The following COL22A1 variants were observed in gnomAD, a reference collection of about 807,000 sequenced individuals.
The protein encoded by COL22A1 is collagen type XXII alpha 1 chain, also known as collagen alpha-1(XXII) chain.
A neutral mutation model predicts 248.9 loss-of-function variants in COL22A1; 221 were observed. The ratio of observed to expected loss-of-function variants is 0.89; its 90% CI spans 0.80 to 0.99. The LOEUF (loss-of-function observed/expected upper bound fraction) is 0.99, where lower values mean the gene tolerates loss of function less well. COL22A1 is among the 50% of genes least tolerant of loss of function. The pLI, the probability that COL22A1 is intolerant of heterozygous loss-of-function variation, is 0.00. For missense variants in COL22A1, 2,240 were observed against 2,179.0 expected, an observed-to-expected ratio of 1.03 and a Z score of -0.56; for synonymous variants, 891 against 793.4, an observed-to-expected ratio of 1.12 and a Z score of -2.07.
At chr8:138,831,128 T>C (rs938159984) in intron 5 of COL22A1, among the ~76,000 whole-genome samples, 2 of 152,174 alleles carry the variant, frequency 1.3e-5, no homozygotes, top group Non-Finnish European at 2.9e-5. Flanking sequence ...ACGGATGAAA[T>C]GACATTAGGG....
At chr8:138,725,307 T>G in intron 24 of COL22A1, 80 bp downstream of exon 24, 1 of 1,407,852 alleles carries the variant, frequency 7.1e-7, no homozygotes, top group Non-Finnish European at 1.0e-6. Flanking sequence ...CAAGAGGCCA[T>G]TCACAAAGAT....
chr8:138,664,192 G>A (rs1020318607), intron 41 of COL22A1, among the ~76,000 whole-genome samples: 1 of 85,024 alleles, frequency 1.2e-5, no homozygotes, highest in African/African-American at 4.0e-5. Flanking sequence ...TCCAACAAGG[G>A]GTGCGCGCGC....
intron 62 of COL22A1, 133 bp downstream of exon 62, chr8:138,596,771 C>G (rs1817567620): frequency 2.6e-6 from 2 of 774,288 alleles, no homozygotes; most frequent in Non-Finnish European, 4.4e-6. Flanking sequence ...CATTCCCCAA[C>G]CCTGATAGTC....
rs145909041 is a variant in COL22A1 at position 138,813,662 on chromosome 8, G to A, written c.1246-643C>T. 7.8e-3 allele frequency among the ~76,000 whole-genome samples: 1,178 copies of A among 150,608 alleles called. 38 individuals carry two copies. Among genetic ancestry groups the A allele is most frequent in the African/African-American group, 0.026 (1,049 of 40,862 alleles). ...CAGCGTTTCGTTCTACACTGAAGGGGCTTCAGGACACGTTAAAGTCCAGCG... is the reference window on the plus strand; with the variant it reads ...CAGCGTTTCGTTCTACACTGAAGGGACTTCAGGACACGTTAAAGTCCAGCG... On this transcript the variant is annotated intron_variant, in intron 7 of 64. Coordinates refer to ENST00000303045, the MANE Select transcript of COL22A1 (RefSeq NM_152888.3).
At chr8:138,760,426 C>T in intron 17 of COL22A1, 139 bp from the exon 18 acceptor site, 1 of 685,234 alleles carries the variant, frequency 1.5e-6, no homozygotes, top group Non-Finnish European at 2.4e-6. Context: ...TTAGACCTGA[C>T]TTTCTGGACT....
intron 4 of COL22A1, among the ~76,000 whole-genome samples, chr8:138,836,322 G>A (rs1359332301): frequency 3.3e-5 from 5 of 152,252 alleles, no homozygotes; most frequent in East Asian, 1.9e-4. Flanking sequence ...AAAAGGAAAA[G>A]GAAAAGGAAA....
At position 138,716,820 on chromosome 8, in the gene COL22A1, C is replaced by G; in HGVS notation, c.2400+5G>C. ...ATGAATGAATAAAAGCACAAACAAACAGACCTTCTCTCCAGGTCGGCCTGC... is the reference window on the plus strand; with the variant it reads ...ATGAATGAATAAAAGCACAAACAAAGAGACCTTCTCTCCAGGTCGGCCTGC... On this transcript the variant is annotated splice_donor_5th_base_variant and intron_variant, in intron 28 of 64. Coordinates refer to ENST00000303045, the MANE Select transcript of COL22A1 (RefSeq NM_152888.3). The G allele has an allele frequency of 6.2e-7, 1 of 1,605,004 alleles. No individual in the cohort carries two copies. Among genetic ancestry groups the G allele is most frequent in the Non-Finnish European group, 8.5e-7 (1 of 1,171,826 alleles).
In COL22A1 at chr8:138,679,629, C is replaced by G; in HGVS notation, c.3060G>C (p.Gly1020=). ...GATCTTCACTGACCTTAACACATTGCCCTCCCAGTGCACAGTTTTCTGACC... is the reference window on the plus strand; with the variant it reads ...GATCTTCACTGACCTTAACACATTGGCCTCCCAGTGCACAGTTTTCTGACC... The part of the protein sequence containing the change: ...VRGSENCALG[G]QCVKGDRGAP... The change falls in exon 40 of 65, where the codon GGG becomes GGC. Residue 1020 remains glycine (G), a synonymous_variant. Coordinates refer to ENST00000303045, the MANE Select transcript of COL22A1 (RefSeq NM_152888.3). 6.2e-7 allele frequency: 1 copy of G among 1,613,916 alleles called. No individual in the cohort carries two copies. Among genetic ancestry groups the G allele is most frequent in the South Asian group, 1.1e-5 (1 of 91,080 alleles).
chr8:138,663,016 TCA>T (rs6150848), intron 42 of COL22A1, among the ~76,000 whole-genome samples: 2 of 148,600 alleles, frequency 1.3e-5, no homozygotes, highest in Admixed American at 6.7e-5. Context: ...ACTCTGTCAC[TCA>T]CACACACACA....
chr8:138,597,120 A>T, intron 61 of COL22A1, 150 bp from the exon 62 acceptor site: 2 of 634,118 alleles, frequency 3.2e-6, no homozygotes, highest in Non-Finnish European at 5.6e-6. Flanking sequence ...CCACATCTCT[A>T]ATCCCTTCCT....
intron 6 of COL22A1, among the ~76,000 whole-genome samples, chr8:138,822,336 C>T (rs1043080875): frequency 1.3e-5 from 2 of 152,166 alleles, no homozygotes; most frequent in African/African-American, 4.8e-5. Flanking sequence ...TGATGTGAGC[C>T]ACCGTGCTCA....
chr8:138,624,169 G>A (rs1820062098), intron 51 of COL22A1, among the ~76,000 whole-genome samples: 1 of 152,168 alleles, frequency 6.6e-6, no homozygotes, highest in Admixed American at 6.6e-5. Flanking sequence ...GAATGTGGAT[G>A]CTGACGATGA....
chr8:138,667,507 G>A (rs535573652), intron 41 of COL22A1, among the ~76,000 whole-genome samples: 6 of 152,174 alleles, frequency 3.9e-5, no homozygotes, highest in Middle Eastern at 3.4e-3. Context: ...TTATATCCCC[G>A]AGTTCAAAAT....
chr8:138,780,176 T>A (rs1264111388), intron 13 of COL22A1, among the ~76,000 whole-genome samples: 2 of 152,180 alleles, frequency 1.3e-5, no homozygotes, highest in Admixed American at 6.5e-5. Flanking sequence ...GTTGTCTTCA[T>A]GGAAAGGATG....
At chr8:138,842,073 C>G (rs371826415) in intron 4 of COL22A1, among the ~76,000 whole-genome samples, 1 of 152,160 alleles carries the variant, frequency 6.6e-6, no homozygotes, top group South Asian at 2.1e-4. Context: ...CTTGATGTGG[C>G]AAAACAGTGG....
At chr8:138,746,537 A>G (rs966035399) in intron 22 of COL22A1, among the ~76,000 whole-genome samples, 1 of 152,166 alleles carries the variant, frequency 6.6e-6, no homozygotes, top group African/African-American at 2.4e-5. Context: ...CAATATCCAA[A>G]TGACAGAACA....
intron 18 of COL22A1, among the ~76,000 whole-genome samples, chr8:138,758,452 A>T (rs1035375709): frequency 6.6e-6 from 1 of 152,220 alleles, no homozygotes; most frequent in Non-Finnish European, 1.5e-5. Context: ...TAAAATCATT[A>T]AAAGGGCATA....
intron 40 of COL22A1, among the ~76,000 whole-genome samples, chr8:138,676,857 A>G (rs905391064): frequency 5.9e-5 from 9 of 152,172 alleles, no homozygotes; most frequent in Non-Finnish European, 2.9e-5. Flanking sequence ...TTCAAGGACG[A>G]CCACTCCCGG....
intron 59 of COL22A1, among the ~76,000 whole-genome samples, chr8:138,602,793 T>C (rs993649000): frequency 8.5e-5 from 13 of 152,196 alleles, no homozygotes; most frequent in Admixed American, 4.6e-4. Context: ...ACCTGGAATG[T>C]CTCTTTCTTC....
Sources: gnomAD v4.1 joint callset for allele counts (sites outside exome capture counted in the v4.1 genomes callset) on GRCh38, gnomAD v4.1.1 for gene constraint, MANE v1.5 for transcripts, NCBI Gene and HGNC (gene_info 2026-07-23, HGNC 2026-07-21) for gene names.